KTN1: variants seen among roughly 807,000 people sequenced by gnomAD.
KTN1 encodes the protein kinectin 1, also known as kinectin.
KTN1 carries 130 observed loss-of-function variants against 222.5 expected under a neutral mutation model. The ratio of observed to expected loss-of-function variants is 0.58; its 90% CI spans 0.51 to 0.68. The LOEUF (loss-of-function observed/expected upper bound fraction) is 0.68, where lower values mean the gene tolerates loss of function less well. Ranked by LOEUF, KTN1 falls within the 30% of genes least tolerant of loss-of-function variation. The pLI is 0.00. For missense variants in KTN1, 1,508 were observed against 1,500.4 expected (o/e 1.01, Z -0.08); for synonymous variants, 512 against 496.3 (o/e 1.03, Z -0.42).
intron 5 of KTN1, among the ~76,000 whole-genome samples, chr14:55,620,903 G>A (rs1174086229): frequency 1.3e-5 from 2 of 152,124 alleles, no homozygotes; most frequent in Non-Finnish European, 2.9e-5. Flanking sequence ...CAGAAAGTGG[G>A]ATTTTCTTTT....
chr14:55,580,657 C>A (rs1171576083), intron 1 of KTN1, among the ~76,000 whole-genome samples: 1 of 151,978 alleles, frequency 6.6e-6, no homozygotes, highest in Non-Finnish European at 1.5e-5. Flanking sequence ...GGACACCCCC[C>A]ACCCTCCCCA....
At chr14:55,637,691 A>G (rs1256521496) in intron 11 of KTN1, 88 bp from the exon 12 acceptor site, 1 of 897,030 alleles carries the variant, frequency 1.1e-6, no homozygotes, top group Non-Finnish European at 1.7e-6. Flanking sequence ...GAAAAAGATA[A>G]ACAAATGTAC....
Position 55,641,717 on chromosome 14 carries a change from T to TA in KTN1, c.2133dup (p.Ser712IlefsTer12). The TA allele has an allele frequency of 6.2e-7, 1 of 1,604,112 alleles. No individual in the cohort carries two copies. Among genetic ancestry groups the TA allele is most frequent in the Non-Finnish European group, 8.5e-7 (1 of 1,171,150 alleles). ...ATTCTAAATGACCAAAACAAAGCATTAAAATCAGAAGTTCAGAAGCTACAG... is the reference window on the plus strand; with the variant it reads ...ATTCTAAATGACCAAAACAAAGCATTAAAAATCAGAAGTTCAGAAGCTACAG... On this transcript the variant is annotated frameshift_variant, in exon 18 of 44. Coordinates refer to ENST00000395314, the MANE Select transcript of KTN1 (RefSeq NM_001079521.2). LOFTEE classifies it high-confidence loss of function.
intron 1 of KTN1, among the ~76,000 whole-genome samples, chr14:55,600,661 T>C (rs1371617512): frequency 6.6e-6 from 1 of 150,928 alleles, no homozygotes; most frequent in Non-Finnish European, 1.5e-5. Flanking sequence ...GTCAAGATGG[T>C]AGATTTTAAG....
chr14:55,636,841 T>C (rs1367421593), intron 10 of KTN1, among the ~76,000 whole-genome samples: 1 of 151,906 alleles, frequency 6.6e-6, no homozygotes, highest in Non-Finnish European at 1.5e-5. Context: ...TTAATTCTTT[T>C]TTTTTTTTCC....
chr14:55,597,255 T>A (rs2035209587), intron 1 of KTN1, among the ~76,000 whole-genome samples: 1 of 152,214 alleles, frequency 6.6e-6, no homozygotes, highest in Non-Finnish European at 1.5e-5. Flanking sequence ...AGCTAAACTT[T>A]GTGTAATAAG....
chr14:55,612,364 G>A lies in KTN1; in HGVS notation c.316G>A (p.Glu106Lys), dbSNP rs758159956. The A allele has an allele frequency of 2.2e-5, 36 of 1,613,996 alleles. No homozygotes were observed. The highest frequency in any genetic ancestry group is 3.1e-5 in the Non-Finnish European group (36 of 1,180,008). Residue 106 changes from glutamate (E) to lysine (K), a missense_variant, in exon 2 of 44, where the codon GAA becomes AAA. By Grantham distance (56) the Glu-to-Lys change is moderately conservative. Transcript: ENST00000395314. The stretch of plus-strand genomic sequence containing the variant: ...TGCACCTGTTCCATTGAATGTCGTT[G>A]AAACTTCAAGTAGTGTTAGGGAAAG... Reference protein sequence around the residue: ...QVAPVPLNVVETSSSVRERKK... With the variant: ...QVAPVPLNVVKTSSSVRERKK...
chr14:55,644,277 G>T (rs914558793), intron 18 of KTN1: 133 of 567,426 alleles, frequency 2.3e-4, no homozygotes, highest in Non-Finnish European at 3.6e-5. Context: ...AGAATTCCAA[G>T]TGACAGTTGA....
At position 55,657,397 on chromosome 14, in the gene KTN1, G is replaced by GTTTTTTTT. The variant is rs35297700; in HGVS notation, c.2893-1142_2893-1135dup. Among the ~76,000 whole-genome samples, 369 of 137,620 alleles carry GTTTTTTTT rather than the reference G, an allele frequency of 2.7e-3. 2 individuals carry two copies. The highest frequency in any genetic ancestry group is 5.3e-3 in the African/African-American group (193 of 36,564). 90.3% of individuals were successfully genotyped at this position (137,620 alleles called of 152,430 possible). A position where few individuals can be genotyped will look rare whatever the true frequency, so the allele number is the denominator to read the frequency against. On this transcript the variant is annotated intron_variant, in intron 29 of 43. Coordinates refer to ENST00000395314, the MANE Select transcript of KTN1 (RefSeq NM_001079521.2). ...CCCACACTTTTTCCACTGAGTTGACGTTTTTTTTTTTTTTACTAATTTGTA... is the reference window on the plus strand; with the variant it reads ...CCCACACTTTTTCCACTGAGTTGACGTTTTTTTTTTTTTTTTTTTTTTACTAATTTGTA...
chr14:55,615,971 G>A (rs1257379113), intron 2 of KTN1, among the ~76,000 whole-genome samples: 1 of 151,598 alleles, frequency 6.6e-6, no homozygotes, highest in East Asian at 1.9e-4. Context: ...TCGAGTGAAT[G>A]GTGTGATCTT....
At chr14:55,636,338 G>T (rs570379039) in intron 9 of KTN1, 111 bp from the exon 10 acceptor site, 12 of 710,604 alleles carry the variant, frequency 1.7e-5, no homozygotes, top group Non-Finnish European at 2.9e-5. Context: ...GTTGCAATAA[G>T]CAGTTTTATG....
At chr14:55,658,784 A>G (rs561830975) in intron 30 of KTN1, among the ~76,000 whole-genome samples, 170 bp downstream of exon 30, 3 of 152,234 alleles carry the variant, frequency 2.0e-5, no homozygotes, top group Non-Finnish European at 4.4e-5. Flanking sequence ...TCATATCCAA[A>G]GTAAAACAAA....
chr14:55,649,799 A>G lies in KTN1; in HGVS notation c.2391A>G (p.Glu797=). 6.6e-7 allele frequency: 1 copy of G among 1,522,626 alleles called. No individual in the cohort carries two copies. Among genetic ancestry groups the G allele is most frequent in the Non-Finnish European group, 9.0e-7 (1 of 1,110,344 alleles). 94.3% of individuals were successfully genotyped at this position (1,522,626 alleles called of 1,614,324 possible). Residue 797 remains glutamate, a synonymous_variant, in exon 22 of 44, where the codon GAA becomes GAG. Coordinates refer to ENST00000395314, the MANE Select transcript of KTN1 (RefSeq NM_001079521.2). ...NDQVSFASLV[E]ELKKVIHEKD... ...AGGTTTCTTTTGCCTCTCTAGTTGA[A>G]GAACTTAAGAAAGTGTAAGTGATAA...
chr14:55,589,657 T>TTTC (rs984967481), intron 1 of KTN1, among the ~76,000 whole-genome samples: 3 of 54,468 alleles, frequency 5.5e-5, no homozygotes, highest in Non-Finnish European at 4.4e-5. Flanking sequence ...ATCTGATTTC[T>TTTC]TTTTTTTTTT....
rs2035072536 is a variant in KTN1 at position 55,596,551 on chromosome 14, C to T, written c.-30-15468C>T. 3.9e-5 allele frequency among the ~76,000 whole-genome samples: 6 copies of T among 152,286 alleles called. No homozygotes were observed. The South Asian group carries it at 1.2e-3, about 32-fold the overall frequency. On this transcript the variant is annotated intron_variant, in intron 1 of 43. Transcript: ENST00000395314. ...GTTCTGATAACTGATCATCTTTCAT[C>T]CTCTTACCTCATATTTCTGTTGTCT...
At position 55,637,347 on chromosome 14, in the gene KTN1, C is replaced by T; in HGVS notation, c.1699C>T (p.Leu567=). 6.4e-7 allele frequency: 1 copy of T among 1,559,428 alleles called. No homozygotes were observed. Among genetic ancestry groups the T allele is most frequent in the Non-Finnish European group, 8.6e-7 (1 of 1,156,532 alleles). ...GAAAAGGGTGAACAAAGAAGAGTCT[C>T]TACAAATGCAGGTTCAGGTATTTTT... is the stretch of plus-strand genomic sequence containing the variant. ...EQKRVNKEES[L]QMQVQDILEQ... is the part of the protein sequence containing the mutation. Residue 567 remains leucine, a synonymous_variant, in exon 11 of 44, where the codon CTA becomes TTA. Coordinates refer to ENST00000395314, the MANE Select transcript of KTN1 (RefSeq NM_001079521.2).
At chr14:55,633,213 T>A in intron 7 of KTN1, 22 bp from the exon 8 acceptor site, 2 of 1,423,748 alleles carry the variant, frequency 1.4e-6, no homozygotes, top group Non-Finnish European at 1.9e-6. Flanking sequence ...TTCTAAGTTT[T>A]ATGTGTGTAA....
At chr14:55,617,669 AAAATT>A (rs1018741506) in intron 3 of KTN1, among the ~76,000 whole-genome samples, 1 of 152,232 alleles carries the variant, frequency 6.6e-6, no homozygotes, top group Non-Finnish European at 1.5e-5. Flanking sequence ...TATTAAAACA[AAAATT>A]AAAGGAGACT....
chr14:55,648,147 G>T, intron 20 of KTN1, 32 bp downstream of exon 20: 1 of 1,159,044 alleles, frequency 8.6e-7, no homozygotes, highest in South Asian at 1.4e-5. Context: ...TTTTCCTTGT[G>T]ATTATTCAGT....
Sources: gnomAD v4.1 joint callset for allele counts (sites outside exome capture counted in the v4.1 genomes callset) on GRCh38, gnomAD v4.1.1 for gene constraint, MANE v1.5 for transcripts, NCBI Gene and HGNC (gene_info 2026-07-23, HGNC 2026-07-21) for gene names.